VCL: variants seen among roughly 807,000 people sequenced by gnomAD.
The protein encoded by VCL is epididymis luminal protein 114.
A neutral mutation model predicts 125.7 loss-of-function variants in VCL; 47 were observed. The observed-to-expected ratio is 0.37, with a 90% CI of 0.30 to 0.48. The LOEUF (loss-of-function observed/expected upper bound fraction) is 0.48, where lower values mean the gene tolerates loss of function less well. Among genes scored for constraint, VCL ranks in the 20% least tolerant of loss-of-function variants. The probability of loss-of-function intolerance (pLI) is 0.99; values close to 1 mark genes in which losing one functional copy is unlikely to be tolerated. For missense variants in VCL, 1,069 were observed against 1,455.5 expected, an observed-to-expected ratio of 0.73 and a Z score of 4.32; for synonymous variants, 458 against 514.6, an observed-to-expected ratio of 0.89 and a Z score of 1.49.
rs900617682 is a variant in VCL at position 74,050,060 on chromosome 10, C to G, written c.239+6907C>G. Among the ~76,000 whole-genome samples, 5 of 152,298 alleles carry G rather than the reference C, an allele frequency of 3.3e-5. No individual in the cohort carries two copies. The East Asian group carries it at 9.7e-4, about 29-fold the overall frequency. ...GGACCTGATCCAAGGATGTTCAGAA[C>G]TGAATGGATCAAAAAGCATCACTTC... On this transcript the variant is annotated intron_variant, in intron 2 of 21. Coordinates refer to ENST00000211998, the MANE Select transcript of VCL (RefSeq NM_014000.3).
intron 1 of VCL, among the ~76,000 whole-genome samples, chr10:74,042,336 G>A (rs893410104): frequency 9.9e-5 from 15 of 152,226 alleles, no homozygotes; most frequent in Non-Finnish European, 1.8e-4. Flanking sequence ...ATACTTTTGT[G>A]AATATTGTTT....
intron 1 of VCL, among the ~76,000 whole-genome samples, chr10:74,012,205 T>C (rs912883852): frequency 6.6e-6 from 1 of 152,234 alleles, no homozygotes; most frequent in Non-Finnish European, 1.5e-5. Flanking sequence ...GCTCATCTTT[T>C]ATCTACCAGG....
At chr10:74,079,235 G>A (rs968195277) in intron 6 of VCL, among the ~76,000 whole-genome samples, 1 of 152,110 alleles carries the variant, frequency 6.6e-6, no homozygotes, top group South Asian at 2.1e-4. Flanking sequence ...ATAACATGGT[G>A]GGGGAGGACC....
chr10:74,050,629 G>C (rs1256701961), intron 2 of VCL, among the ~76,000 whole-genome samples: 1 of 152,126 alleles, frequency 6.6e-6, no homozygotes, highest in Non-Finnish European at 1.5e-5. Context: ...AAACACACTT[G>C]TGGGTGAAAG....
chr10:74,087,879 G>T (rs950550947), intron 8 of VCL, among the ~76,000 whole-genome samples: 32 of 152,130 alleles, frequency 2.1e-4, no homozygotes, highest in African/African-American at 7.2e-4. Context: ...GGGAGGCCGA[G>T]GCAGGAGAAT....
chr10:74,100,779 C>T (rs1034883568), intron 13 of VCL, among the ~76,000 whole-genome samples, 169 bp from the exon 14 acceptor site: 8 of 152,280 alleles, frequency 5.3e-5, no homozygotes, highest in South Asian at 2.1e-4. Context: ...TGAGGAGATC[C>T]ATCAAGGCCA....
At position 74,043,898 on chromosome 10, in the gene VCL, A is replaced by G. The variant is rs1841145373; in HGVS notation, c.239+745A>G. ...CAAGGAGGGTGGATCACCTCAGGTC[A>G]GGAGATCGAGACCATCCTGGCTAAC... On this transcript the variant is annotated intron_variant, in intron 2 of 21. Coordinates refer to ENST00000211998, the MANE Select transcript of VCL (RefSeq NM_014000.3). Among the ~76,000 whole-genome samples, 4 of 152,126 alleles carry G rather than the reference A, an allele frequency of 2.6e-5. No homozygotes were observed. The South Asian group carries it at 8.3e-4, about 32-fold the overall frequency.
intron 1 of VCL, among the ~76,000 whole-genome samples, chr10:74,002,367 C>G (rs185032533): frequency 2.6e-5 from 4 of 151,870 alleles, no homozygotes; most frequent in Admixed American, 2.0e-4. Context: ...TCAGGTTATC[C>G]GCCCGCCTCG....
At chr10:74,067,782 G>A (rs1032264692) in intron 2 of VCL, among the ~76,000 whole-genome samples, 12 of 152,302 alleles carry the variant, frequency 7.9e-5, no homozygotes, top group African/African-American at 2.9e-4. Context: ...TCCACAATAG[G>A]CAAATCCAGT....
intron 1 of VCL, among the ~76,000 whole-genome samples, chr10:74,031,137 G>A (rs949321627): frequency 6.6e-6 from 1 of 152,188 alleles, no homozygotes; most frequent in African/African-American, 2.4e-5. Flanking sequence ...CTGACTGAAG[G>A]TTATCATAGA....
chr10:74,097,384 G>A lies in VCL; in HGVS notation c.1872+52G>A. The A allele has an allele frequency of 6.3e-7, 1 of 1,599,156 alleles. No individual in the cohort carries two copies. ...CTGTCAGCCTGTGCTATAGGTATAT[G>A]TAAAGGTGAAATGTGATTACAGTGG... is the stretch of plus-strand genomic sequence containing the variant. On this transcript the variant is annotated intron_variant, in intron 13 of 21. Transcript: ENST00000211998. The surrounding 1 kb of genome is among the most constrained non-coding windows in gnomAD (Gnocchi z 4.1).
At chr10:74,113,541 T>G (rs955899650) in intron 19 of VCL, among the ~76,000 whole-genome samples, 3 of 151,968 alleles carry the variant, frequency 2.0e-5, no homozygotes, top group Non-Finnish European at 4.4e-5. Flanking sequence ...TAAGAGGCAG[T>G]AGAGGGATAG....
At chr10:74,032,712 AT>A (rs869205926) in intron 1 of VCL, among the ~76,000 whole-genome samples, 3,655 of 125,122 alleles carry the variant, frequency 0.029, 48 homozygotes, top group African/African-American at 0.064. Flanking sequence ...AAAAAAAAAT[AT>A]ATATATATAT....
chr10:74,041,751 A>G (rs1261055062), intron 1 of VCL, among the ~76,000 whole-genome samples: 1 of 151,516 alleles, frequency 6.6e-6, no homozygotes, highest in Admixed American at 6.6e-5. Flanking sequence ...AAAAAAAAAA[A>G]GATTAGCTGG....
intron 2 of VCL, among the ~76,000 whole-genome samples, chr10:74,060,676 A>T (rs1404022891): frequency 6.6e-6 from 1 of 151,584 alleles, no homozygotes; most frequent in Non-Finnish European, 1.5e-5. Flanking sequence ...AAAAAAAGAA[A>T]AAGAAAAAGA....
At chr10:74,012,547 A>G (rs1591650040) in intron 1 of VCL, among the ~76,000 whole-genome samples, 1 of 152,328 alleles carries the variant, frequency 6.6e-6, no homozygotes, top group East Asian at 1.9e-4. Context: ...CTACAAATAC[A>G]GTGGTTTTTC....
At chr10:74,024,061 T>A (rs1233572398) in intron 1 of VCL, among the ~76,000 whole-genome samples, 1 of 152,214 alleles carries the variant, frequency 6.6e-6, no homozygotes, top group East Asian at 1.9e-4. Flanking sequence ...TACTCTTTTC[T>A]ATGAGCATTT....
At chr10:74,007,642 C>T (rs1002900234) in intron 1 of VCL, among the ~76,000 whole-genome samples, 1 of 151,680 alleles carries the variant, frequency 6.6e-6, no homozygotes, top group East Asian at 1.9e-4. Context: ...ATTACAGGCA[C>T]GTGCCACCAC....
chr10:74,077,083 C>T (rs1839598289), intron 6 of VCL: 1 of 152,556 alleles, frequency 6.6e-6, no homozygotes, highest in Non-Finnish European at 1.5e-5. Flanking sequence ...TGTAGCTGCT[C>T]CCAGTTTTAT....
Sources: gnomAD v4.1 joint callset for allele counts (sites outside exome capture counted in the v4.1 genomes callset) on GRCh38, gnomAD v4.1.1 for gene constraint, Gnocchi (gnomAD v3.1) non-coding constraint, MANE v1.5 for transcripts, NCBI Gene and HGNC (gene_info 2026-07-23, HGNC 2026-07-21) for gene names.